Variants in KCNH7 observed in about 807,000 individuals in gnomAD.
KCNH7 encodes the protein potassium voltage-gated channel subfamily H member 7, also known as voltage-gated inwardly rectifying potassium channel KCNH7.
KCNH7 carries 49 observed loss-of-function variants against 120.8 expected under a neutral mutation model. The observed-to-expected ratio is 0.41, with a 90% CI of 0.32 to 0.51. The LOEUF is 0.51. Ranked by LOEUF, KCNH7 falls within the 20% of genes least tolerant of loss-of-function variation. The probability of loss-of-function intolerance (pLI) is 0.38; values close to 1 mark genes in which losing one functional copy is unlikely to be tolerated. For synonymous variants in KCNH7, 547 were observed against 516.1 expected (o/e 1.06, Z -0.81); for missense variants, 1,097 against 1,446.6 (o/e 0.76, Z 3.92).
chr2:162,505,169 T>A lies in KCNH7; in HGVS notation c.914-512A>T, dbSNP rs562414864. On this transcript the variant is annotated intron_variant, in intron 5 of 15. Transcript: ENST00000332142. ...TCTTCATATGTTTCCACTACCTATA[T>A]GAGATGCTCCACAGAGCTTCTGAAA... Among the ~76,000 whole-genome samples, 5 of 152,060 alleles carry A rather than the reference T, an allele frequency of 3.3e-5. No individual in the cohort carries two copies. The South Asian group carries it at 1.0e-3, about 32-fold the overall frequency.
chr2:162,771,518 G>C (rs1183670585), intron 2 of KCNH7, among the ~76,000 whole-genome samples: 1 of 151,882 alleles, frequency 6.6e-6, no homozygotes, highest in African/African-American at 2.4e-5. Flanking sequence ...ATTTGGATTT[G>C]CATCATTCTT....
chr2:162,647,624 A>C (rs1684412590), intron 2 of KCNH7, among the ~76,000 whole-genome samples: 1 of 152,080 alleles, frequency 6.6e-6, no homozygotes, highest in African/African-American at 2.4e-5. Context: ...TGGTTTTATA[A>C]ATGAAAGTTC....
At chr2:162,611,291 T>C (rs1682954560) in intron 2 of KCNH7, among the ~76,000 whole-genome samples, 1 of 152,070 alleles carries the variant, frequency 6.6e-6, no homozygotes. Context: ...GCCTTATTCA[T>C]TATCGAAGAG....
intron 2 of KCNH7, among the ~76,000 whole-genome samples, chr2:162,708,487 C>T (rs570514216): frequency 6.6e-6 from 1 of 152,034 alleles, no homozygotes; most frequent in African/African-American, 2.4e-5. Flanking sequence ...TAGGGGAACA[C>T]CTCATCTTTT....
chr2:162,527,168 T>A (rs1217420423), intron 3 of KCNH7, among the ~76,000 whole-genome samples: 1 of 151,976 alleles, frequency 6.6e-6, no homozygotes. Context: ...CTGAGTAAAT[T>A]TTCCTCAGAT....
chr2:162,750,815 AG>A (rs1688513743), intron 2 of KCNH7, among the ~76,000 whole-genome samples: 1 of 152,194 alleles, frequency 6.6e-6, no homozygotes, highest in Admixed American at 6.6e-5. Context: ...TGGGAACAAG[AG>A]GGGAAGAAAG....
chr2:162,492,813 C>T (rs1035929975), intron 6 of KCNH7, among the ~76,000 whole-genome samples: 4 of 144,896 alleles, frequency 2.8e-5, no homozygotes, highest in Non-Finnish European at 4.5e-5. Context: ...AATGGATCTC[C>T]AAGCTATAGA....
intron 6 of KCNH7, among the ~76,000 whole-genome samples, chr2:162,468,535 T>C (rs1689385323): frequency 7.0e-6 from 1 of 142,898 alleles, no homozygotes; most frequent in Admixed American, 6.9e-5. Flanking sequence ...TTTTTTTTTT[T>C]TTTCAGACGG....
intron 6 of KCNH7, among the ~76,000 whole-genome samples, chr2:162,447,737 T>C (rs1305902919): frequency 6.6e-6 from 1 of 152,118 alleles, no homozygotes; most frequent in Admixed American, 6.6e-5. Flanking sequence ...ATGAATTATG[T>C]CACGTGTACT....
chr2:162,602,950 T>TC (rs999571323), intron 2 of KCNH7, among the ~76,000 whole-genome samples: 2 of 137,134 alleles, frequency 1.5e-5, no homozygotes, highest in African/African-American at 5.4e-5. Context: ...CTGGAGGACT[T>TC]TTTTTTTTTT....
At chr2:162,815,615 A>C (rs1013748803) in intron 2 of KCNH7, among the ~76,000 whole-genome samples, 8 of 152,236 alleles carry the variant, frequency 5.3e-5, no homozygotes, top group African/African-American at 1.4e-4. Flanking sequence ...GGGGCAGACA[A>C]ACACTGAGGA....
At chr2:162,508,493 T>A (rs1042405979) in intron 5 of KCNH7, among the ~76,000 whole-genome samples, 1 of 151,544 alleles carries the variant, frequency 6.6e-6, no homozygotes, top group African/African-American at 2.4e-5. Flanking sequence ...ATAATTATGC[T>A]TCTTTCTACG....
At chr2:162,569,273 G>A (rs1693377310) in intron 2 of KCNH7, among the ~76,000 whole-genome samples, 1 of 151,756 alleles carries the variant, frequency 6.6e-6, no homozygotes, top group Non-Finnish European at 1.5e-5. Context: ...TGTATGTGTG[G>A]AGGAATTTAT....
chr2:162,375,301 C>T (rs948026980), intron 14 of KCNH7, among the ~76,000 whole-genome samples: 3 of 152,090 alleles, frequency 2.0e-5, no homozygotes, highest in African/African-American at 7.2e-5. Context: ...GATTCAAGAT[C>T]CAAAAATGAG....
intron 2 of KCNH7, chr2:162,796,010 G>T (rs1269543477): frequency 6.6e-6 from 1 of 152,016 alleles, no homozygotes; most frequent in Non-Finnish European, 1.5e-5. Context: ...GAAAAACCAG[G>T]CTCAAGGAAC....
At position 162,759,824 on chromosome 2, in the gene KCNH7, T is replaced by A. The variant is rs369811128; in HGVS notation, c.307+76713A>T. ...TTGAAACAATGTAAATGTCAAAAAT[T>A]GATAAATAATTACTTTCTAGATGAG... On this transcript the variant is annotated intron_variant, in intron 2 of 15. Transcript: ENST00000332142. Among the ~76,000 whole-genome samples, 22 of 152,248 alleles carry A rather than the reference T, an allele frequency of 1.4e-4. No homozygotes were observed. The East Asian group carries it at 3.7e-3, about 25-fold the overall frequency.
chr2:162,825,496 C>G (rs1395908491), intron 2 of KCNH7, among the ~76,000 whole-genome samples: 1 of 151,396 alleles, frequency 6.6e-6, no homozygotes, highest in African/African-American at 2.4e-5. Context: ...AAATATATAC[C>G]TTTTTGCTGT....
intron 12 of KCNH7, among the ~76,000 whole-genome samples, chr2:162,394,170 G>A (rs1686831417): frequency 6.6e-6 from 1 of 151,950 alleles, no homozygotes; most frequent in South Asian, 2.1e-4. Flanking sequence ...AATCTGCGAT[G>A]TCCTTGTGAA....
intron 2 of KCNH7, among the ~76,000 whole-genome samples, chr2:162,698,492 TA>T (rs900074851): frequency 7.3e-5 from 11 of 151,580 alleles, no homozygotes; most frequent in African/African-American, 2.4e-4. Flanking sequence ...ATATGCCATT[TA>T]AAAAAAAGGT....
Sources: allele counts gnomAD v4.1 joint callset (sites outside exome capture counted in the v4.1 genomes callset), GRCh38; gene constraint gnomAD v4.1.1; transcripts MANE v1.5; gene names NCBI Gene and HGNC (gene_info 2026-07-23, HGNC 2026-07-21).